Variants in CLIP1 observed in about 807,000 individuals in gnomAD.
CLIP1 encodes the protein CAP-Gly domain containing linker protein 1.
Under a neutral mutation model 161.6 loss-of-function variants are expected in CLIP1, and 66 were observed. The observed-to-expected ratio is 0.41, with a 90% CI of 0.33 to 0.50. The LOEUF is 0.50. CLIP1 is among the 20% of genes least tolerant of loss of function. CLIP1 has a pLI of 0.27. For missense variants in CLIP1, 1,376 were observed against 1,702.0 expected (o/e 0.81, Z 3.37); for synonymous variants, 598 against 626.2 (o/e 0.96, Z 0.67).
At chr12:122,335,930 C>G (rs555653076) in intron 12 of CLIP1, among the ~76,000 whole-genome samples, 2 of 152,246 alleles carry the variant, frequency 1.3e-5, no homozygotes, top group Admixed American at 6.5e-5. Context: ...ACATATACCT[C>G]GTCTAGTTTC....
chr12:122,368,449 G>A lies in CLIP1; in HGVS notation c.658-4342C>T, dbSNP rs145499002. Reference sequence around the variant, plus strand: ...AGTGGGTGTCTACAAACAGGAAACAGAAACAATCCTCTCTGGACTCTCTCA... The same window carrying A: ...AGTGGGTGTCTACAAACAGGAAACAAAAACAATCCTCTCTGGACTCTCTCA... On this transcript the variant is annotated intron_variant, in intron 3 of 25. Coordinates refer to ENST00000620786, the MANE Select transcript of CLIP1 (RefSeq NM_001247997.2). Among the ~76,000 whole-genome samples, 186 of 152,216 alleles carry A rather than the reference G, an allele frequency of 1.2e-3. 1 individual carries two copies. Among genetic ancestry groups the A allele is most frequent in the African/African-American group, 4.1e-3 (172 of 41,532 alleles).
chr12:122,280,668 G>C (rs1424860418), intron 21 of CLIP1: 1 of 152,228 alleles, frequency 6.6e-6, no homozygotes, highest in Non-Finnish European at 1.5e-5. Flanking sequence ...GGGAAGGTCT[G>C]TGAGAACTGG....
chr12:122,314,942 T>C (rs1031849142), intron 19 of CLIP1, among the ~76,000 whole-genome samples: 4 of 152,186 alleles, frequency 2.6e-5, no homozygotes, highest in East Asian at 3.8e-4. Flanking sequence ...ATTGTAAATT[T>C]ATAAATCTGC....
At chr12:122,382,104 G>A (rs1259353351) in intron 1 of CLIP1, among the ~76,000 whole-genome samples, 2 of 152,056 alleles carry the variant, frequency 1.3e-5, no homozygotes, top group Non-Finnish European at 2.9e-5. Flanking sequence ...GCTCACACCT[G>A]TAATCCCAGC....
intron 1 of CLIP1, among the ~76,000 whole-genome samples, chr12:122,394,715 ATCT>A: frequency 1.3e-4 from 1 of 7,422 alleles, no homozygotes; most frequent in East Asian, 9.3e-3. Flanking sequence ...GTGGAACCGC[ATCT>A]CTACTAAAAA....
chr12:122,394,488 CAAAAAA>C (rs66683857), intron 1 of CLIP1, among the ~76,000 whole-genome samples: 1 of 57,998 alleles, frequency 1.7e-5, no homozygotes, highest in Non-Finnish European at 2.9e-5. Flanking sequence ...GACGCTGTCT[CAAAAAA>C]AAAAAAAAAA....
intron 1 of CLIP1, among the ~76,000 whole-genome samples, chr12:122,413,071 T>G (rs1315437971): frequency 1.3e-5 from 2 of 152,154 alleles, no homozygotes; most frequent in East Asian, 3.8e-4. Flanking sequence ...TCACCCTGCT[T>G]ATAAAGTTTA....
chr12:122,334,166 G>T, intron 13 of CLIP1, 56 bp from the exon 14 acceptor site: 2 of 1,089,792 alleles, frequency 1.8e-6, no homozygotes, highest in East Asian at 2.5e-5. Flanking sequence ...AAGCTATCTG[G>T]AGCTTGGCTG....
At chr12:122,415,599 A>C (rs1956723930) in intron 1 of CLIP1, among the ~76,000 whole-genome samples, 1 of 152,000 alleles carries the variant, frequency 6.6e-6, no homozygotes, top group African/African-American at 2.4e-5. Context: ...CGGGTGGATC[A>C]CCTGAGGTCA....
At chr12:122,395,245 C>T (rs1955866398) in intron 1 of CLIP1, 1 of 152,152 alleles carries the variant, frequency 6.6e-6, no homozygotes, top group African/African-American at 2.4e-5. Context: ...CTTTAAAAGT[C>T]CTGCCAGAGG....
At chr12:122,383,095 G>A (rs1955078956) in intron 1 of CLIP1, among the ~76,000 whole-genome samples, 1 of 152,174 alleles carries the variant, frequency 6.6e-6, no homozygotes, top group African/African-American at 2.4e-5. Context: ...TAAAATTTGA[G>A]AAGGATGCAA....
chr12:122,341,847 G>A (rs1253764198), intron 10 of CLIP1, 150 bp from the exon 11 acceptor site: 13 of 488,896 alleles, frequency 2.7e-5, no homozygotes, highest in African/African-American at 7.2e-5. Context: ...ACAATGGTGC[G>A]ATCTCAGCTC....
intron 2 of CLIP1, among the ~76,000 whole-genome samples, chr12:122,379,989 A>C (rs1216444966): frequency 6.8e-6 from 1 of 147,938 alleles, no homozygotes; most frequent in Admixed American, 6.9e-5. Flanking sequence ...TCACGCCTGT[A>C]ATCTCAGCAC....
intron 3 of CLIP1, among the ~76,000 whole-genome samples, chr12:122,369,131 G>A (rs1234078716): frequency 6.6e-6 from 1 of 151,530 alleles, no homozygotes; most frequent in East Asian, 2.0e-4. Flanking sequence ...AGATTTTCCT[G>A]CCTCAGCCTC....
chr12:122,326,688 A>G (rs1951723745), intron 17 of CLIP1, among the ~76,000 whole-genome samples: 1 of 152,064 alleles, frequency 6.6e-6, no homozygotes. Context: ...AAAAAAACAA[A>G]CAACAACCGA....
intron 1 of CLIP1, among the ~76,000 whole-genome samples, chr12:122,422,215 G>A (rs1041756604): frequency 6.6e-6 from 1 of 152,092 alleles, no homozygotes; most frequent in Non-Finnish European, 1.5e-5. Context: ...GGGCGGCGCA[G>A]GGGCAAGGAG....
chr12:122,371,617 A>T (rs904569391), intron 3 of CLIP1, among the ~76,000 whole-genome samples: 19 of 152,202 alleles, frequency 1.2e-4, no homozygotes, highest in African/African-American at 4.3e-4. Flanking sequence ...GGACGGTGCC[A>T]TGCAAGTCCA....
intron 17 of CLIP1, chr12:122,322,170 C>A (rs1282087036): frequency 6.6e-6 from 1 of 152,596 alleles, no homozygotes; most frequent in Non-Finnish European, 1.5e-5. Flanking sequence ...TTGTTCTTGT[C>A]TTTTCTCAAA....
chr12:122,356,565 A>T (rs769779998), intron 5 of CLIP1, among the ~76,000 whole-genome samples: 2 of 152,152 alleles, frequency 1.3e-5, no homozygotes, highest in Admixed American at 6.6e-5. Flanking sequence ...CAGTAACATG[A>T]AGTCATTCTG....
Sources: gnomAD v4.1 joint callset for allele counts (sites outside exome capture counted in the v4.1 genomes callset) on GRCh38, gnomAD v4.1.1 for gene constraint, MANE v1.5 for transcripts, NCBI Gene and HGNC (gene_info 2026-07-23, HGNC 2026-07-21) for gene names.